MCC: variants seen among roughly 807,000 people sequenced by gnomAD.
The protein encoded by MCC is colorectal mutant cancer protein.
A neutral mutation model predicts 116.2 loss-of-function variants in MCC; 90 were observed. The observed-to-expected ratio is 0.77, with a 90% CI of 0.65 to 0.92. MCC has a LOEUF of 0.92. Ranked by LOEUF, MCC falls within the 40% of genes least tolerant of loss-of-function variation. The pLI is 0.00. For synonymous variants in MCC, 578 were observed against 510.5 expected (o/e 1.13, Z -1.78); for missense variants, 1,516 against 1,312.2 (o/e 1.16, Z -2.40).
intron 3 of MCC, among the ~76,000 whole-genome samples, chr5:113,198,822 G>A (rs948247691): frequency 6.6e-5 from 10 of 152,052 alleles, no homozygotes; most frequent in African/African-American, 4.8e-5. Flanking sequence ...GTTGGGAGGC[G>A]GGACCACGTA....
intron 1 of MCC, among the ~76,000 whole-genome samples, chr5:113,390,501 T>G (rs983224984): frequency 6.6e-6 from 1 of 152,236 alleles, no homozygotes; most frequent in Non-Finnish European, 1.5e-5. Context: ...CAAAACTGCA[T>G]GGTTTCACAA....
intron 3 of MCC, chr5:113,294,512 C>T (rs560613036): frequency 6.5e-7 from 1 of 1,531,338 alleles, no homozygotes; most frequent in South Asian, 1.2e-5. Flanking sequence ...CATTTTCACC[C>T]AGGACAGTTG....
At chr5:113,073,038 C>T (rs892941069) in intron 11 of MCC, among the ~76,000 whole-genome samples, 6 of 151,940 alleles carry the variant, frequency 3.9e-5, no homozygotes, top group African/African-American at 1.5e-4. Flanking sequence ...GGGCCCAACA[C>T]AAATTTGTAA....
rs369816708 is a variant in MCC at position 113,093,437 on chromosome 5, A to C, written c.1399-8127T>G. Among the ~76,000 whole-genome samples, 3 of 152,078 alleles carry C rather than the reference A, an allele frequency of 2.0e-5. No individual in the cohort carries two copies. In the East Asian group the frequency reaches 5.8e-4, roughly 29 times the overall value. ...ATTCCAGCCTGGGCAACATAGCCAG[A>C]TCCCATATCTATCTTATCTATCTAT... On this transcript the variant is annotated intron_variant, in intron 8 of 18. Coordinates refer to ENST00000408903, the MANE Select transcript of MCC (RefSeq NM_001085377.2).
chr5:113,473,646 C>G (rs1253362530), intron 1 of MCC, among the ~76,000 whole-genome samples: 1 of 152,198 alleles, frequency 6.6e-6, no homozygotes, highest in Non-Finnish European at 1.5e-5. Flanking sequence ...TTTACTCCAT[C>G]TCATAACCTT....
chr5:113,340,755 A>C, intron 2 of MCC, 25 bp from the exon 3 acceptor site: 1 of 1,599,712 alleles, frequency 6.3e-7, no homozygotes. Context: ...AGCAGAGAAA[A>C]TGAAAAGACA....
chr5:113,315,419 A>G (rs114798461), intron 3 of MCC, among the ~76,000 whole-genome samples: 1 of 152,354 alleles, frequency 6.6e-6, no homozygotes, highest in African/African-American at 2.4e-5. Context: ...TGCTTTTAAT[A>G]GAACAAAAAG....
intron 15 of MCC, 26 bp from the exon 16 acceptor site, chr5:113,049,325 A>T: frequency 6.5e-7 from 1 of 1,537,790 alleles, no homozygotes; most frequent in Non-Finnish European, 8.8e-7. Flanking sequence ...CACAGAGCAC[A>T]TGAGGCATGC....
rs374473364 is a variant in MCC, at chr5:113,136,417, A to G, written c.884+6801T>C. ...AGACATCTTCTGATAAGATTCATAC[A>G]TGCATTGATATTCCTATAGGTAGAA... On this transcript the variant is annotated intron_variant, in intron 5 of 18. Transcript: ENST00000408903. Among the ~76,000 whole-genome samples the G allele has an allele frequency of 2.6e-5, 4 of 152,242 alleles. No homozygotes were observed. The East Asian group carries it at 7.7e-4, about 29-fold the overall frequency.
intron 3 of MCC, among the ~76,000 whole-genome samples, chr5:113,254,131 G>A (rs1173076017): frequency 1.3e-5 from 2 of 152,198 alleles, no homozygotes; most frequent in Non-Finnish European, 2.9e-5. Context: ...TCAAAGGTAC[G>A]AGGGTCAGTA....
intron 3 of MCC, among the ~76,000 whole-genome samples, chr5:113,266,441 G>A (rs1561494569): frequency 2.0e-5 from 3 of 152,230 alleles, no homozygotes; most frequent in Non-Finnish European, 4.4e-5. Context: ...GTCCTTGGGA[G>A]TTGGCAGTTC....
At chr5:113,410,508 A>T (rs1264443574) in intron 1 of MCC, among the ~76,000 whole-genome samples, 1 of 152,192 alleles carries the variant, frequency 6.6e-6, no homozygotes, top group African/African-American at 2.4e-5. Flanking sequence ...GTGGTGGGTC[A>T]TGTCTGTGAT....
intron 17 of MCC, among the ~76,000 whole-genome samples, chr5:113,030,336 A>G (rs2150206869): frequency 6.6e-6 from 1 of 152,290 alleles, no homozygotes; most frequent in African/African-American, 2.4e-5. Context: ...CTGGTTAATC[A>G]CGGCCTACCC....
At chr5:113,029,741 A>AT (rs1182784712) in intron 17 of MCC, among the ~76,000 whole-genome samples, 1 of 152,162 alleles carries the variant, frequency 6.6e-6, no homozygotes, top group African/African-American at 2.4e-5. Context: ...CCTTCCTCTA[A>AT]TTCCCACAAG....
At chr5:113,240,607 A>G (rs1344852151) in intron 3 of MCC, among the ~76,000 whole-genome samples, 1 of 152,122 alleles carries the variant, frequency 6.6e-6, no homozygotes, top group Non-Finnish European at 1.5e-5. Context: ...TATTTACAGC[A>G]AGGATGGTTT....
intron 2 of MCC, among the ~76,000 whole-genome samples, chr5:113,382,553 C>A (rs182111996): frequency 6.6e-6 from 1 of 151,982 alleles, no homozygotes; most frequent in Non-Finnish European, 1.5e-5. Context: ...GGTGCCCAGC[C>A]TAATTAGTGT....
intron 1 of MCC, among the ~76,000 whole-genome samples, chr5:113,459,135 G>C (rs181757040): frequency 1.1e-5 from 1 of 93,670 alleles, no homozygotes; most frequent in Non-Finnish European, 2.2e-5. Flanking sequence ...GTAAGGATAT[G>C]TGTGTGTGTG....
chr5:113,081,300 AG>A (rs1231522117), intron 11 of MCC, among the ~76,000 whole-genome samples: 1 of 152,214 alleles, frequency 6.6e-6, no homozygotes, highest in Non-Finnish European at 1.5e-5. Context: ...TCTGGATTTA[AG>A]GCAAGTCACT....
chr5:113,156,033 G>A (rs556216694), intron 3 of MCC, among the ~76,000 whole-genome samples: 3 of 152,248 alleles, frequency 2.0e-5, no homozygotes, highest in Admixed American at 2.0e-4. Context: ...CTTATGTGAT[G>A]GATGGAGCTC....
Sources: gnomAD v4.1 joint callset for allele counts (sites outside exome capture counted in the v4.1 genomes callset) on GRCh38, gnomAD v4.1.1 for gene constraint, MANE v1.5 for transcripts, NCBI Gene and HGNC (gene_info 2026-07-23, HGNC 2026-07-21) for gene names.